Variants in NHSL1 observed in about 807,000 individuals in gnomAD.
NHSL1 encodes NHS-like protein 1.
NHSL1 carries 48 observed loss-of-function variants against 95.0 expected under a neutral mutation model. The observed-to-expected ratio is 0.51, with a 90% CI of 0.40 to 0.64. The LOEUF is 0.64. Ranked by LOEUF, NHSL1 falls within the 30% of genes least tolerant of loss-of-function variation. The pLI, the probability that NHSL1 is intolerant of heterozygous loss-of-function variation, is 0.00. For missense variants in NHSL1, 1,971 were observed against 2,077.7 expected (o/e 0.95, Z 1.00); for synonymous variants, 783 against 833.9 (o/e 0.94, Z 1.05).
At chr6:138,569,592 A>G (rs897010625) in intron 1 of NHSL1, among the ~76,000 whole-genome samples, 1 of 152,214 alleles carries the variant, frequency 6.6e-6, no homozygotes, top group Non-Finnish European at 1.5e-5. Flanking sequence ...GCTTCTAAGA[A>G]AAAACTTCAT....
chr6:138,517,901 C>T (rs1312988698), intron 1 of NHSL1, among the ~76,000 whole-genome samples: 1 of 152,174 alleles, frequency 6.6e-6, no homozygotes, highest in Non-Finnish European at 1.5e-5. Context: ...AGTTTGTCAT[C>T]CACATCCAAT....
In NHSL1 at chr6:138,527,425, G is replaced by C. The variant is rs1006548290; in HGVS notation, c.16+18198C>G. On this transcript the variant is annotated intron_variant, in intron 1 of 4. Transcript: ENST00000342260. ...GTTTCTCTTCTTTTTTTAATCTGAA[G>C]TGACAAAAGAGTAATAAGGCTTATG... Among the ~76,000 whole-genome samples the C allele has an allele frequency of 4.6e-5, 7 of 152,094 alleles. 1 individual carries two copies. Among genetic ancestry groups the C allele is most frequent in the Admixed American group, 1.3e-4 (2 of 15,268 alleles).
At chr6:138,491,550 T>G (rs1780078403) in intron 2 of NHSL1, among the ~76,000 whole-genome samples, 1 of 152,166 alleles carries the variant, frequency 6.6e-6, no homozygotes, top group African/African-American at 2.4e-5. Context: ...CACAGCTATC[T>G]CCAATGAAGT....
chr6:138,486,685 T>G (rs1281102904), intron 2 of NHSL1, among the ~76,000 whole-genome samples: 1 of 152,162 alleles, frequency 6.6e-6, no homozygotes, highest in Non-Finnish European at 1.5e-5. Flanking sequence ...CTCCTGTGTT[T>G]TAGGTGACTT....
At chr6:138,475,621 G>C (rs1177223739) in intron 2 of NHSL1, among the ~76,000 whole-genome samples, 1 of 152,012 alleles carries the variant, frequency 6.6e-6, no homozygotes, top group African/African-American at 2.4e-5. Context: ...TTAAAGCTAA[G>C]ATTAAAAAAT....
At chr6:138,684,444 A>G (rs1056035752) in intron 1 of NHSL1, among the ~76,000 whole-genome samples, 3 of 151,570 alleles carry the variant, frequency 2.0e-5, no homozygotes, top group Admixed American at 6.6e-5. Flanking sequence ...TCAGGAGTTC[A>G]AGACCAGCCT....
chr6:138,663,784 T>C (rs1017334059), intron 1 of NHSL1, among the ~76,000 whole-genome samples: 7 of 151,782 alleles, frequency 4.6e-5, no homozygotes, highest in African/African-American at 1.7e-4. Context: ...AGCAGGAAAA[T>C]TGCTTGAATC....
intron 1 of NHSL1, among the ~76,000 whole-genome samples, chr6:138,514,276 C>G (rs375079770): frequency 6.6e-6 from 1 of 152,036 alleles, no homozygotes; most frequent in African/African-American, 2.4e-5. Flanking sequence ...CGAGATCACG[C>G]CACTGCACTC....
At position 138,560,685 on chromosome 6, in the gene NHSL1, A is replaced by G. The variant is rs532662714; in HGVS notation, c.202+11025T>C. On this transcript the variant is annotated intron_variant, in intron 1 of 6. Transcript: ENST00000427025. ...ACCAAACTAAGCACCAGCCACAACC[A>G]CCCACAAGGTAAATTCACAAATTGC... Among the ~76,000 whole-genome samples, 9 of 152,236 alleles carry G rather than the reference A, an allele frequency of 5.9e-5. 2 individuals are homozygous for G. In the South Asian group the frequency reaches 1.9e-3, roughly 32 times the overall value.
chr6:138,647,564 G>T (rs1008480186), intron 1 of NHSL1, among the ~76,000 whole-genome samples: 3 of 149,812 alleles, frequency 2.0e-5, no homozygotes, highest in African/African-American at 4.9e-5. Flanking sequence ...TGAGGAAAAA[G>T]AACTTAAAAA....
At chr6:138,591,293 T>C (rs1049606305) in intron 1 of NHSL1, among the ~76,000 whole-genome samples, 4 of 152,240 alleles carry the variant, frequency 2.6e-5, no homozygotes, top group African/African-American at 9.6e-5. Flanking sequence ...TTATTTAAAG[T>C]AGTCCCTCCC....
intron 3 of NHSL1, among the ~76,000 whole-genome samples, chr6:138,459,037 C>T (rs928570637): frequency 6.6e-6 from 1 of 152,252 alleles, no homozygotes; most frequent in African/African-American, 2.4e-5. Flanking sequence ...TGCTCTGTCA[C>T]CCAGGCTGGA....
chr6:138,471,114 C>T (rs376308445), intron 3 of NHSL1, among the ~76,000 whole-genome samples: 2 of 152,048 alleles, frequency 1.3e-5, no homozygotes, highest in South Asian at 2.1e-4. Context: ...CATCGGGGTC[C>T]GTGGCAATGG....
At chr6:138,528,547 T>C (rs1231142232) in intron 1 of NHSL1, among the ~76,000 whole-genome samples, 1 of 152,226 alleles carries the variant, frequency 6.6e-6, no homozygotes, top group African/African-American at 2.4e-5. Context: ...ATTTGTTCTC[T>C]AGACAAATGT....
chr6:138,677,619 T>C (rs1160218987), intron 1 of NHSL1, among the ~76,000 whole-genome samples: 2 of 152,132 alleles, frequency 1.3e-5, no homozygotes, highest in Non-Finnish European at 1.5e-5. Flanking sequence ...TAAAGAACCC[T>C]CTGGAAATTT....
intron 1 of NHSL1, among the ~76,000 whole-genome samples, chr6:138,639,106 A>G (rs1286105323): frequency 2.0e-5 from 3 of 152,232 alleles, no homozygotes; most frequent in Non-Finnish European, 2.9e-5. Context: ...CAAAATCCAT[A>G]GTATTAGGAA....
chr6:138,615,071 A>G (rs1201800343), intron 1 of NHSL1, among the ~76,000 whole-genome samples: 1 of 152,106 alleles, frequency 6.6e-6, no homozygotes, highest in African/African-American at 2.4e-5. Flanking sequence ...AGATGATGGG[A>G]AAGAATGAGA....
chr6:138,429,417 A>G (rs73571001), intron 7 of NHSL1, among the ~76,000 whole-genome samples: 4,976 of 152,204 alleles, frequency 0.033, 270 homozygotes, highest in African/African-American at 0.11. Flanking sequence ...TTGCTAATAT[A>G]CTCTGTCTTA....
At chr6:138,478,241 A>T (rs1779210297) in intron 2 of NHSL1, among the ~76,000 whole-genome samples, 1 of 151,942 alleles carries the variant, frequency 6.6e-6, no homozygotes. Flanking sequence ...TTGGCCTCCC[A>T]AAGTGCTGGG....
Sources: allele counts gnomAD v4.1 joint callset (sites outside exome capture counted in the v4.1 genomes callset), GRCh38; gene constraint gnomAD v4.1.1; transcripts MANE v1.5; gene names NCBI Gene and HGNC (gene_info 2026-07-23, HGNC 2026-07-21).